The following ARNT2 variants were observed in gnomAD, a reference collection of about 807,000 sequenced individuals.
The protein encoded by ARNT2 is aryl hydrocarbon receptor nuclear translocator 2.
A neutral mutation model predicts 91.7 loss-of-function variants in ARNT2; 36 were observed. The observed-to-expected ratio is 0.39, with a 90% CI of 0.30 to 0.52. The LOEUF is 0.52. Among genes scored for constraint, ARNT2 ranks in the 20% least tolerant of loss-of-function variants. The probability of loss-of-function intolerance (pLI) is 0.72; values close to 1 mark genes in which losing one functional copy is unlikely to be tolerated. For missense variants in ARNT2, 775 were observed against 939.3 expected (o/e 0.83, Z 2.29); for synonymous variants, 365 against 347.1 (o/e 1.05, Z -0.57).
intron 1 of ARNT2, among the ~76,000 whole-genome samples, chr15:80,432,423 A>G (rs1896024572): frequency 6.6e-6 from 1 of 152,230 alleles, no homozygotes; most frequent in Non-Finnish European, 1.5e-5. Flanking sequence ...TGATGGAAAA[A>G]AAACACCAAA....
intron 1 of ARNT2, among the ~76,000 whole-genome samples, chr15:80,432,079 A>T (rs1465130356): frequency 6.6e-6 from 1 of 152,220 alleles, no homozygotes; most frequent in East Asian, 1.9e-4. Flanking sequence ...GTCTCCTGAA[A>T]GCTCAGCTGC....
rs947712629 is a variant in ARNT2 at position 80,506,041 on chromosome 15, A to G, written c.623-2115A>G. Among the ~76,000 whole-genome samples, 17 of 145,160 alleles carry G rather than the reference A, an allele frequency of 1.2e-4. 2 individuals are homozygous for G. The highest frequency in any genetic ancestry group is 2.2e-4 in the Admixed American group (3 of 13,700). On this transcript the variant is annotated intron_variant, in intron 5 of 18. Transcript: ENST00000303329. ...AAGCTCCGCTTCCCGGGTTCATGCC[A>G]TTCTCCTGCCTCAGCCTCCCGAGTA...
Position 80,417,493 on chromosome 15 carries a change from C to T in ARNT2, c.31+12947C>T, listed in dbSNP as rs140021367. ...TGCCGAATTTTCCATTCTGAGAATT[C>T]TCCCTCTCCTTCCCATCCCCCCTCT... On this transcript the variant is annotated intron_variant, in intron 1 of 18. Coordinates refer to ENST00000303329, the MANE Select transcript of ARNT2 (RefSeq NM_014862.4). Among the ~76,000 whole-genome samples, 264 of 152,064 alleles carry T rather than the reference C, an allele frequency of 1.7e-3. 1 individual carries two copies. Among genetic ancestry groups the T allele is most frequent in the African/African-American group, 5.3e-3 (220 of 41,480 alleles).
chr15:80,557,087 A>G (rs1898205094), intron 11 of ARNT2, among the ~76,000 whole-genome samples: 1 of 152,154 alleles, frequency 6.6e-6, no homozygotes, highest in Admixed American at 6.5e-5. Flanking sequence ...CTGACCGCCA[A>G]GCCTTCCTAT....
At chr15:80,521,797 A>G (rs1489438882) in intron 8 of ARNT2, among the ~76,000 whole-genome samples, 3 of 152,166 alleles carry the variant, frequency 2.0e-5, no homozygotes, top group Non-Finnish European at 4.4e-5. Flanking sequence ...CTTAATATAT[A>G]TCATTGCCTC....
At chr15:80,452,175 T>A (rs1896403623) in intron 2 of ARNT2, among the ~76,000 whole-genome samples, 1 of 152,206 alleles carries the variant, frequency 6.6e-6, no homozygotes, top group African/African-American at 2.4e-5. Context: ...GTATAGTCTC[T>A]AAAGGAGGGC....
At chr15:80,544,582 C>G (rs114886207) in intron 8 of ARNT2, among the ~76,000 whole-genome samples, 44 of 152,290 alleles carry the variant, frequency 2.9e-4, no homozygotes, top group African/African-American at 1.0e-3. Flanking sequence ...AAAAGTTGCT[C>G]TGGTTATGGG....
At chr15:80,448,584 C>T (rs1434207633) in intron 1 of ARNT2, among the ~76,000 whole-genome samples, 4 of 152,152 alleles carry the variant, frequency 2.6e-5, no homozygotes, top group South Asian at 4.1e-4. Flanking sequence ...GTGATTGGAA[C>T]GGGGAAGGGA....
intron 8 of ARNT2, among the ~76,000 whole-genome samples, chr15:80,531,479 T>C (rs1403398083): frequency 1.3e-5 from 2 of 152,240 alleles, no homozygotes; most frequent in East Asian, 3.8e-4. Flanking sequence ...TAGCTGGAAT[T>C]ATCCTGTTCA....
At chr15:80,548,223 C>A (rs993881809) in intron 8 of ARNT2, among the ~76,000 whole-genome samples, 9 of 152,068 alleles carry the variant, frequency 5.9e-5, no homozygotes, top group African/African-American at 2.2e-4. Flanking sequence ...CCATTATTAA[C>A]CAAGGCATTA....
At chr15:80,551,655 C>T (rs1566999025) in intron 9 of ARNT2, among the ~76,000 whole-genome samples, 1 of 152,174 alleles carries the variant, frequency 6.6e-6, no homozygotes, top group Admixed American at 6.5e-5. Context: ...CATCTTATTC[C>T]CACACAGCAC....
At chr15:80,503,022 A>G (rs1897221970) in intron 5 of ARNT2, among the ~76,000 whole-genome samples, 2 of 152,214 alleles carry the variant, frequency 1.3e-5, no homozygotes, top group Admixed American at 6.5e-5. Context: ...CCTTGGCTGG[A>G]TGGATTGTGC....
At chr15:80,504,271 A>G (rs959219245) in intron 5 of ARNT2, among the ~76,000 whole-genome samples, 4 of 152,100 alleles carry the variant, frequency 2.6e-5, no homozygotes, top group African/African-American at 4.8e-5. Flanking sequence ...CAGTGTAACA[A>G]TCTGTTCTGT....
intron 2 of ARNT2, among the ~76,000 whole-genome samples, chr15:80,452,833 G>A (rs4142755): frequency 0.36 from 55,461 of 152,064 alleles, 10,243 homozygotes; most frequent in South Asian, 0.43. Flanking sequence ...AGCCGAGGCT[G>A]CTTCCCTCCT....
At chr15:80,504,719 G>A (rs1229163851) in intron 5 of ARNT2, among the ~76,000 whole-genome samples, 2 of 151,506 alleles carry the variant, frequency 1.3e-5, no homozygotes, top group African/African-American at 2.4e-5. Context: ...AGTGAGCTAA[G>A]ACTCCACCAC....
At chr15:80,454,442 A>G (rs1896452673) in intron 2 of ARNT2, among the ~76,000 whole-genome samples, 1 of 152,246 alleles carries the variant, frequency 6.6e-6, no homozygotes, top group Admixed American at 6.5e-5. Context: ...ACTATTTTCA[A>G]GTTACTTATA....
chr15:80,458,440 T>G (rs1896509186), intron 3 of ARNT2, among the ~76,000 whole-genome samples: 1 of 152,050 alleles, frequency 6.6e-6, no homozygotes. Flanking sequence ...TAAGAAGAGA[T>G]ATGAGAAACC....
intron 8 of ARNT2, among the ~76,000 whole-genome samples, chr15:80,541,311 T>C (rs1228963073): frequency 6.6e-6 from 1 of 152,164 alleles, no homozygotes; most frequent in Admixed American, 6.5e-5. Flanking sequence ...TGTTCATATA[T>C]TTTACCCACT....
At chr15:80,554,741 T>C in intron 10 of ARNT2, 1 of 211,378 alleles carries the variant, frequency 4.7e-6, no homozygotes, top group Non-Finnish European at 9.6e-6. Context: ...GCTTTCTTTT[T>C]ATGTTATTAA....
Sources: allele counts gnomAD v4.1 joint callset (sites outside exome capture counted in the v4.1 genomes callset), GRCh38; gene constraint gnomAD v4.1.1; transcripts MANE v1.5; gene names NCBI Gene and HGNC (gene_info 2026-07-23, HGNC 2026-07-21).